CNTNAP5: variants seen among roughly 807,000 people sequenced by gnomAD.
CNTNAP5 encodes contactin associated protein family member 5.
CNTNAP5 carries 72 observed loss-of-function variants against 150.2 expected under a neutral mutation model. That is an observed-to-expected ratio of 0.48 (90% confidence interval 0.40 to 0.58). The LOEUF (loss-of-function observed/expected upper bound fraction) is 0.58. CNTNAP5 is among the 20% of genes least tolerant of loss of function. CNTNAP5 has a pLI of 0.00. For synonymous variants in CNTNAP5, 672 were observed against 619.8 expected, an observed-to-expected ratio of 1.08 and a Z score of -1.25; for missense variants, 1,636 against 1,626.2, an observed-to-expected ratio of 1.01 and a Z score of -0.10.
At chr2:124,605,302 C>T (rs932383048) in intron 11 of CNTNAP5, among the ~76,000 whole-genome samples, 1 of 152,116 alleles carries the variant, frequency 6.6e-6, no homozygotes, top group Non-Finnish European at 1.5e-5. Flanking sequence ...TGTTTTTATA[C>T]AGCAAAAGAA....
In CNTNAP5 at chr2:124,365,948, G is replaced by A. The variant is rs1357635284; in HGVS notation, c.382-51495G>A. On this transcript the variant is annotated intron_variant, in intron 3 of 23. Transcript: ENST00000682447. Reference sequence around the variant, plus strand: ...TTTCTTATATTCTTAATTTACAAGTGGTGCCTGGGATGCATTTTTAAGGTC... The same window carrying A: ...TTTCTTATATTCTTAATTTACAAGTAGTGCCTGGGATGCATTTTTAAGGTC... Among the ~76,000 whole-genome samples the A allele has an allele frequency of 3.3e-5, 5 of 152,242 alleles. No homozygotes were observed. The East Asian group carries it at 9.7e-4, about 29-fold the overall frequency.
chr2:124,280,463 C>A (rs1255990185), intron 3 of CNTNAP5, among the ~76,000 whole-genome samples: 1 of 152,084 alleles, frequency 6.6e-6, no homozygotes, highest in East Asian at 1.9e-4. Flanking sequence ...AGCTACCACA[C>A]CCAGTCACTG....
At position 124,338,116 on chromosome 2, in the gene CNTNAP5, C is replaced by A. The variant is rs534456806; in HGVS notation, c.382-79327C>A. Among the ~76,000 whole-genome samples, 233 of 152,050 alleles carry A rather than the reference C, an allele frequency of 1.5e-3. 3 individuals carry two copies. Among genetic ancestry groups the A allele is most frequent in the Middle Eastern group, 3.4e-3 (1 of 294 alleles). ...AAGTTGGATTCCTAGGTATTTTATTCTCTTTGAAGCAATTGTGAATGGGAG... is the reference window on the plus strand; with the variant it reads ...AAGTTGGATTCCTAGGTATTTTATTATCTTTGAAGCAATTGTGAATGGGAG... On this transcript the variant is annotated intron_variant, in intron 3 of 23. Coordinates refer to ENST00000682447, the MANE Select transcript of CNTNAP5 (RefSeq NM_001367498.1).
intron 10 of CNTNAP5, among the ~76,000 whole-genome samples, chr2:124,546,551 A>G (rs563746380): frequency 6.6e-6 from 1 of 152,278 alleles, no homozygotes; most frequent in African/African-American, 2.4e-5. Flanking sequence ...ATCACAGTAA[A>G]CACCAGGAAC....
rs545466431 is a variant in CNTNAP5 at position 124,531,081 on chromosome 2, C to T, written c.1649+3625C>T. On this transcript the variant is annotated intron_variant, in intron 10 of 23. Transcript: ENST00000682447. ...ACCATAATGCAAAGTCAGTGGGAGC[C>T]GTGAGCTTGTTTTCCTGCAACTAGA... Among the ~76,000 whole-genome samples the T allele has an allele frequency of 1.2e-4, 18 of 151,824 alleles. No individual in the cohort carries two copies. In the South Asian group the frequency reaches 1.9e-3, roughly 16 times the overall value.
intron 7 of CNTNAP5, among the ~76,000 whole-genome samples, chr2:124,480,426 G>A (rs1466999126): frequency 6.6e-6 from 1 of 152,084 alleles, no homozygotes; most frequent in Non-Finnish European, 1.5e-5. Context: ...TATTTCTTAT[G>A]GCTCTAAAGC....
At chr2:124,621,476 C>T (rs1677613175) in intron 12 of CNTNAP5, among the ~76,000 whole-genome samples, 1 of 152,198 alleles carries the variant, frequency 6.6e-6, no homozygotes, top group Non-Finnish European at 1.5e-5. Flanking sequence ...CTCTGTTTCT[C>T]ACTCCTTTGG....
intron 13 of CNTNAP5, among the ~76,000 whole-genome samples, chr2:124,704,273 G>A (rs114056574): frequency 0.016 from 2,474 of 152,264 alleles, 69 homozygotes; most frequent in African/African-American, 0.052. Flanking sequence ...CAGGGGGCCC[G>A]CAGAGGGGCT....
chr2:124,350,614 T>C (rs796641), intron 3 of CNTNAP5, among the ~76,000 whole-genome samples: 109,619 of 151,796 alleles, frequency 0.72, 40,215 homozygotes, highest in African/African-American at 0.82. Context: ...GAAGTTTATG[T>C]GGAGAATGAC....
At chr2:124,199,038 T>C (rs1573829394) in intron 1 of CNTNAP5, among the ~76,000 whole-genome samples, 1 of 152,198 alleles carries the variant, frequency 6.6e-6, no homozygotes, top group African/African-American at 2.4e-5. Context: ...CACACGGCAA[T>C]TACTACAGAT....
chr2:124,238,346 A>C (rs1240637814), intron 2 of CNTNAP5, among the ~76,000 whole-genome samples: 1 of 152,072 alleles, frequency 6.6e-6, no homozygotes, highest in Non-Finnish European at 1.5e-5. Context: ...TGACATCAGG[A>C]ACAGAGCTGG....
chr2:124,265,514 C>G (rs1306526387), intron 3 of CNTNAP5, among the ~76,000 whole-genome samples: 1 of 152,140 alleles, frequency 6.6e-6, no homozygotes, highest in Admixed American at 6.6e-5. Context: ...CCAAAAAACT[C>G]TCCCTAAAAA....
At chr2:124,616,339 T>C (rs1677493206) in intron 12 of CNTNAP5, among the ~76,000 whole-genome samples, 1 of 152,208 alleles carries the variant, frequency 6.6e-6, no homozygotes, top group African/African-American at 2.4e-5. Context: ...CGAAGATGGC[T>C]TCTTTAATTA....
intron 19 of CNTNAP5, among the ~76,000 whole-genome samples, chr2:124,802,616 A>G (rs1681993358): frequency 6.6e-6 from 1 of 152,166 alleles, no homozygotes; most frequent in African/African-American, 2.4e-5. Context: ...GAAGACAGGA[A>G]AAGGGTACAG....
At chr2:124,507,426 T>G (rs1363334264) in intron 8 of CNTNAP5, among the ~76,000 whole-genome samples, 2 of 152,034 alleles carry the variant, frequency 1.3e-5, no homozygotes, top group Non-Finnish European at 1.5e-5. Flanking sequence ...GCCGCTGCAC[T>G]CCAGCTTGGG....
intron 11 of CNTNAP5, among the ~76,000 whole-genome samples, chr2:124,584,962 C>G (rs1696494831): frequency 6.6e-6 from 1 of 152,172 alleles, no homozygotes; most frequent in African/African-American, 2.4e-5. Flanking sequence ...GGGGAAAGCT[C>G]TCACATTGTA....
rs1404877178 is a variant in CNTNAP5, at chr2:124,504,335, T to C, written c.1106T>C (p.Ile369Thr). ...FSCSEPQIVPITFVNSSGSYL... is the reference protein window; with the variant it reads ...FSCSEPQIVPTTFVNSSGSYL... ...TGCTCCGAACCACAGATTGTGCCCATCACATTTGTCAACTCCAGCGGCAGC... is the reference window on the plus strand; with the variant it reads ...TGCTCCGAACCACAGATTGTGCCCACCACATTTGTCAACTCCAGCGGCAGC... Residue 369 changes from isoleucine (I) to threonine (T), a missense_variant, in exon 8 of 24, where the codon ATC becomes ACC. By Grantham distance (89) the Ile-to-Thr change is moderately conservative. Coordinates refer to ENST00000682447, the MANE Select transcript of CNTNAP5 (RefSeq NM_001367498.1). 6.2e-7 allele frequency: 1 copy of C among 1,613,928 alleles called. No individual in the cohort carries two copies. The highest frequency in any genetic ancestry group is 1.3e-5 in the African/African-American group (1 of 75,040).
intron 13 of CNTNAP5, among the ~76,000 whole-genome samples, chr2:124,665,579 A>G (rs1003769794): frequency 2.0e-5 from 3 of 152,106 alleles, no homozygotes; most frequent in Non-Finnish European, 2.9e-5. Context: ...CTCCATATAT[A>G]TGTTGATGTG....
intron 10 of CNTNAP5, among the ~76,000 whole-genome samples, chr2:124,535,169 C>T (rs1695201540): frequency 6.6e-6 from 1 of 152,140 alleles, no homozygotes; most frequent in Non-Finnish European, 1.5e-5. Context: ...TTCATCATTT[C>T]CTCATACAGT....
Sources: allele counts gnomAD v4.1 joint callset (sites outside exome capture counted in the v4.1 genomes callset), GRCh38; gene constraint gnomAD v4.1.1; transcripts MANE v1.5; gene names NCBI Gene and HGNC (gene_info 2026-07-23, HGNC 2026-07-21).